Variants in PARP8 observed in about 807,000 individuals in gnomAD.
PARP8 encodes protein mono-ADP-ribosyltransferase PARP8.
PARP8 carries 51 observed loss-of-function variants against 124.1 expected under a neutral mutation model. The observed-to-expected ratio is 0.41, with a 90% confidence interval of 0.33 to 0.52. The LOEUF (loss-of-function observed/expected upper bound fraction) is 0.52, where lower values mean the gene tolerates loss of function less well. PARP8 is among the 20% of genes least tolerant of loss of function. The probability of loss-of-function intolerance (pLI) is 0.21; values close to 1 mark genes in which losing one functional copy is unlikely to be tolerated. For synonymous variants in PARP8, 391 were observed against 361.5 expected (o/e 1.08, Z -0.93); for missense variants, 860 against 1,018.9 (o/e 0.84, Z 2.12).
At chr5:50,781,866 T>C (rs1418110545) in intron 9 of PARP8, among the ~76,000 whole-genome samples, 1 of 152,214 alleles carries the variant, frequency 6.6e-6, no homozygotes, top group African/African-American at 2.4e-5. Flanking sequence ...GAACTTTCCC[T>C]GGATTTGTAC....
At chr5:50,796,855 ACT>A (rs1742612192) in intron 12 of PARP8, 125 bp from the exon 13 acceptor site, 2 of 775,384 alleles carry the variant, frequency 2.6e-6, no homozygotes, top group South Asian at 4.6e-5. Flanking sequence ...GTCATCAGTG[ACT>A]CAATTCATAT....
intron 2 of PARP8, among the ~76,000 whole-genome samples, chr5:50,679,616 AC>A (rs1561234705): frequency 6.6e-6 from 1 of 151,776 alleles, no homozygotes; most frequent in Non-Finnish European, 1.5e-5. Context: ...GTATTGTCTG[AC>A]CCCTTTTTAT....
Position 50,748,398 on chromosome 5 carries a change from T to C in PARP8, c.147-1753T>C, listed in dbSNP as rs182421786. ...CATATGTGTGTGAAGTGCTATAATTTTACTTTTTAACAGTCGAATGTATTT... is the reference window on the plus strand; with the variant it reads ...CATATGTGTGTGAAGTGCTATAATTCTACTTTTTAACAGTCGAATGTATTT... On this transcript the variant is annotated intron_variant, in intron 2 of 25. Transcript: ENST00000281631. Among the ~76,000 whole-genome samples, 122 of 152,282 alleles carry C rather than the reference T, an allele frequency of 8.0e-4. 1 individual carries two copies. The highest frequency in any genetic ancestry group is 3.5e-3 in the Admixed American group (54 of 15,296).
chr5:50,815,416 C>T lies in PARP8; in HGVS notation c.1576-16C>T. On this transcript the variant is annotated splice_polypyrimidine_tract_variant and intron_variant, in intron 14 of 25. Transcript: ENST00000281631. ...TTGGAAAAAAGTTTTGTGATTGATT[C>T]CTTTTTCTTTTGTAGCCTACCGTAT... 1.3e-6 allele frequency: 2 copies of T among 1,535,476 alleles called. No individual in the cohort carries two copies. The highest frequency in any genetic ancestry group is 8.7e-7 in the Non-Finnish European group (1 of 1,145,512).
chr5:50,755,419 A>C (rs1402912829), intron 3 of PARP8, among the ~76,000 whole-genome samples: 2 of 152,098 alleles, frequency 1.3e-5, no homozygotes, highest in Non-Finnish European at 2.9e-5. Context: ...TTTTCCCAGC[A>C]CCATTTGTTA....
intron 22 of PARP8, among the ~76,000 whole-genome samples, chr5:50,831,122 T>C (rs1445235524): frequency 1.3e-5 from 2 of 152,072 alleles, no homozygotes; most frequent in East Asian, 1.9e-4. Flanking sequence ...GGTAAAATGC[T>C]GATGGAAAGA....
chr5:50,828,339 C>T lies in PARP8; in HGVS notation c.2118C>T (p.Ser706=). 3.1e-6 allele frequency: 5 copies of T among 1,613,710 alleles called. No individual in the cohort carries two copies. The highest frequency in any genetic ancestry group is 2.2e-5 in the East Asian group (1 of 44,866). ...GCTCACACATTGAAAACTGGCACTC[C>T]ATCCTGAGGAATGGTCTGGTTGTTG... ...FHGSHIENWH[S]ILRNGLVVAS... Residue 706 remains serine (S), a synonymous_variant, in exon 21 of 26, where the codon TCC becomes TCT. Coordinates refer to ENST00000281631, the MANE Select transcript of PARP8 (RefSeq NM_024615.4).
intron 7 of PARP8, among the ~76,000 whole-genome samples, chr5:50,764,334 G>A (rs1460746018): frequency 6.6e-6 from 1 of 152,026 alleles, no homozygotes; most frequent in Admixed American, 6.6e-5. Flanking sequence ...ATAGGCTGCC[G>A]GCTTCCTGAT....
intron 3 of PARP8, among the ~76,000 whole-genome samples, chr5:50,754,340 C>G (rs958917742): frequency 1.1e-4 from 17 of 151,508 alleles, no homozygotes; most frequent in Non-Finnish European, 2.2e-4. Flanking sequence ...CCCAGCCTCC[C>G]ACCCCACAAC....
chr5:50,814,368 A>G (rs1459201053), intron 14 of PARP8, among the ~76,000 whole-genome samples: 5 of 152,178 alleles, frequency 3.3e-5, no homozygotes, highest in Non-Finnish European at 5.9e-5. Context: ...CTCTATGTAT[A>G]TCTAAATATA....
chr5:50,841,318 A>G (rs56187641), intron 25 of PARP8, among the ~76,000 whole-genome samples: 22,149 of 151,818 alleles, frequency 0.15, 1,683 homozygotes, highest in East Asian at 0.19. Context: ...AAATGTAACT[A>G]TTTCTTTTTA....
chr5:50,674,662 T>G (rs12653772), intron 2 of PARP8, among the ~76,000 whole-genome samples: 31,248 of 152,120 alleles, frequency 0.21, 3,389 homozygotes, highest in South Asian at 0.34. Context: ...TTTCTCATGC[T>G]TCCTAACATC....
At chr5:50,739,080 C>T in intron 2 of PARP8, 1 of 702,418 alleles carries the variant, frequency 1.4e-6, no homozygotes, top group Non-Finnish European at 2.6e-6. Context: ...CAAGAGACTT[C>T]CCACAGGTAT....
intron 9 of PARP8, among the ~76,000 whole-genome samples, chr5:50,784,929 A>T (rs149427536): frequency 2.0e-4 from 31 of 152,164 alleles, no homozygotes; most frequent in African/African-American, 7.0e-4. Flanking sequence ...AAATGAACTT[A>T]AAAAGTTTTA....
chr5:50,684,055 A>G (rs1751584495), intron 2 of PARP8, among the ~76,000 whole-genome samples: 1 of 152,190 alleles, frequency 6.6e-6, no homozygotes, highest in African/African-American at 2.4e-5. Context: ...TTCTTAGCTT[A>G]AGTGGCTTTT....
chr5:50,778,049 G>A lies in PARP8; in HGVS notation c.519-20G>A, dbSNP rs776518124. On this transcript the variant is annotated intron_variant, in intron 7 of 25. Coordinates refer to ENST00000281631, the MANE Select transcript of PARP8 (RefSeq NM_024615.4). Reference sequence around the variant, plus strand: ...AAGCATCATTAAAATGAAAAAAACAGTGTTAATTTTTGCTTTCAGGGAATA... The same window carrying A: ...AAGCATCATTAAAATGAAAAAAACAATGTTAATTTTTGCTTTCAGGGAATA... The A allele has an allele frequency of 7.0e-6, 11 of 1,578,882 alleles. No individual in the cohort carries two copies. Among genetic ancestry groups the A allele is most frequent in the Admixed American group, 1.8e-5 (1 of 56,164 alleles).
chr5:50,698,430 C>T (rs1340280170), intron 2 of PARP8, among the ~76,000 whole-genome samples: 1 of 152,110 alleles, frequency 6.6e-6, no homozygotes, highest in Non-Finnish European at 1.5e-5. Context: ...ATTTCTCTCC[C>T]AGCAGGTTCT....
intron 2 of PARP8, among the ~76,000 whole-genome samples, chr5:50,695,226 A>T (rs1214362863): frequency 6.6e-6 from 1 of 152,336 alleles, no homozygotes; most frequent in African/African-American, 2.4e-5. Context: ...AAGTGTAGAA[A>T]TGGAATGAGA....
chr5:50,842,322 CA>C lies in PARP8; in HGVS notation c.*256del. 1 of 281,582 alleles carries C rather than the reference CA, an allele frequency of 3.6e-6. No individual in the cohort carries two copies. The highest frequency in any genetic ancestry group is 5.7e-5 in the South Asian group (1 of 17,434). 17.4% of individuals were successfully genotyped at this position (281,582 alleles called of 1,614,324 possible). ...TAAACTGAAGTTTGGGTTGCTCATA[CA>C]ATAAACAGATTGAAAAAACTGTTTT... On this transcript the variant is annotated 3_prime_UTR_variant, in exon 26 of 26. Coordinates refer to ENST00000281631, the MANE Select transcript of PARP8 (RefSeq NM_024615.4).
Sources: gnomAD v4.1 joint callset for allele counts (sites outside exome capture counted in the v4.1 genomes callset) on GRCh38, gnomAD v4.1.1 for gene constraint, MANE v1.5 for transcripts, NCBI Gene and HGNC (gene_info 2026-07-23, HGNC 2026-07-21) for gene names.